FGD5: variants seen among roughly 807,000 people sequenced by gnomAD.
The protein encoded by FGD5 is FYVE, RhoGEF and PH domain-containing protein 5.
FGD5 carries 28 observed loss-of-function variants against 133.4 expected under a neutral mutation model. That is an observed-to-expected ratio of 0.21 (90% CI 0.16 to 0.29). The LOEUF (loss-of-function observed/expected upper bound fraction) is 0.29. Among genes scored for constraint, FGD5 ranks in the 10% least tolerant of loss-of-function variants. The pLI is 1.00. For missense variants in FGD5, 1,858 were observed against 1,895.2 expected (o/e 0.98, Z 0.36); for synonymous variants, 810 against 776.5 (o/e 1.04, Z -0.72).
At chr3:14,872,782 A>T (rs2037637016) in intron 2 of FGD5, among the ~76,000 whole-genome samples, 1 of 152,218 alleles carries the variant, frequency 6.6e-6, no homozygotes, top group South Asian at 2.1e-4. Flanking sequence ...GTCTCTTATT[A>T]GGAGAAAGTC....
intron 18 of FGD5, 123 bp from the exon 19 acceptor site, chr3:14,932,454 C>T (rs2038915078): frequency 8.8e-7 from 1 of 1,140,632 alleles, no homozygotes; most frequent in Non-Finnish European, 1.2e-6. Context: ...GTGTGGTGAG[C>T]CCGAAGGTGC....
rs1009262071 is a variant in FGD5 at position 14,917,637 on chromosome 3, A to G, written c.3489+305A>G. ...ATAAGGAAGGGCCTGGGTTGGGGGA[A>G]CAAGCAGGTGGTTGGTAATTTTTTT... On this transcript the variant is annotated intron_variant, in intron 12 of 19. Transcript: ENST00000285046. This position sits in a 1 kb window ranked among gnomAD's most constrained non-coding sequence, Gnocchi z 4.1. Among the ~76,000 whole-genome samples, 4 of 152,188 alleles carry G rather than the reference A, an allele frequency of 2.6e-5. No homozygotes were observed. Among genetic ancestry groups the G allele is most frequent in the East Asian group, 3.8e-4 (2 of 5,196 alleles).
chr3:14,872,994 G>A (rs2037641731), intron 2 of FGD5, among the ~76,000 whole-genome samples: 1 of 152,178 alleles, frequency 6.6e-6, no homozygotes, highest in African/African-American at 2.4e-5. Flanking sequence ...CTTTAAGTGT[G>A]GGGTGCATGG....
chr3:14,897,226 C>T (rs1018020554), intron 4 of FGD5: 18 of 383,754 alleles, frequency 4.7e-5, no homozygotes, highest in African/African-American at 1.5e-4. Context: ...GTGTTCACCA[C>T]GTGGCCACAA....
At chr3:14,828,820 CTT>C (rs59960841) in intron 1 of FGD5, among the ~76,000 whole-genome samples, 1,908 of 123,992 alleles carry the variant, frequency 0.015, 47 homozygotes, top group African/African-American at 0.053. Context: ...AGGTGGGTCT[CTT>C]TTTTTTTTTT....
At chr3:14,815,482 G>C (rs1477972657), upstream of FGD5, among the ~76,000 whole-genome samples, 4 of 152,090 alleles carry the variant, frequency 2.6e-5, no homozygotes, top group African/African-American at 9.7e-5. Flanking sequence ...TGAGTCTGGG[G>C]GCTTTGTTAT....
At chr3:14,891,135 G>A (rs1355028260) in intron 4 of FGD5, among the ~76,000 whole-genome samples, 1 of 152,144 alleles carries the variant, frequency 6.6e-6, no homozygotes, top group African/African-American at 2.4e-5. Context: ...GGGATGCCAG[G>A]GCTCAGAAGA....
At chr3:14,880,345 C>G (rs1055308568) in intron 2 of FGD5, among the ~76,000 whole-genome samples, 1 of 152,084 alleles carries the variant, frequency 6.6e-6, no homozygotes, top group African/African-American at 2.4e-5. Flanking sequence ...TAGAGCATGA[C>G]CTTGTCTCAA....
chr3:14,858,999 A>G (rs541566379), intron 1 of FGD5, among the ~76,000 whole-genome samples: 1 of 152,360 alleles, frequency 6.6e-6, no homozygotes, highest in South Asian at 2.1e-4. Flanking sequence ...TGTTTAAGAT[A>G]GGGTCTGTTG....
intron 4 of FGD5, among the ~76,000 whole-genome samples, chr3:14,891,170 C>A (rs2038018761): frequency 6.6e-6 from 1 of 152,162 alleles, no homozygotes; most frequent in Admixed American, 6.5e-5. Flanking sequence ...AGGCTGGGTC[C>A]TAAATATGGA....
chr3:14,819,357 G>A lies in FGD5; in HGVS notation c.286G>A (p.Ala96Thr). ...AGCCCTGGTGTCTCCCGAGTCCTCTGCGGAAGAGGAAGAGGAGCGTGAAGA... is the reference window on the plus strand; with the variant it reads ...AGCCCTGGTGTCTCCCGAGTCCTCTACGGAAGAGGAAGAGGAGCGTGAAGA... ...NKALVSPESS[A>T]EEEEEREEGG... Residue 96 changes from alanine (A) to threonine (T), a missense_variant, in exon 1 of 20, where the codon GCG becomes ACG. By Grantham distance (58) the Ala-to-Thr change is moderately conservative. Coordinates refer to ENST00000285046, the MANE Select transcript of FGD5 (RefSeq NM_152536.4). The surrounding 1 kb of genome is among the most constrained non-coding windows in gnomAD (Gnocchi z 4.1). 6.5e-7 allele frequency: 1 copy of A among 1,547,952 alleles called. No homozygotes were observed. Among genetic ancestry groups the A allele is most frequent in the Non-Finnish European group, 8.7e-7 (1 of 1,145,456 alleles).
At chr3:14,866,545 T>G (rs529012503) in intron 2 of FGD5, among the ~76,000 whole-genome samples, 2 of 152,170 alleles carry the variant, frequency 1.3e-5, no homozygotes, top group African/African-American at 4.8e-5. Flanking sequence ...GCTGGCTGAG[T>G]GACTTGGGCA....
chr3:14,810,771 G>C (rs2036279518), upstream of FGD5: 1 of 978,614 alleles, frequency 1.0e-6, no homozygotes, highest in South Asian at 4.7e-5. Context: ...GGCGGCCGCG[G>C]AGGGAGGCGG....
At chr3:14,889,857 CT>C (rs1050541024) in intron 4 of FGD5, among the ~76,000 whole-genome samples, 2 of 151,672 alleles carry the variant, frequency 1.3e-5, no homozygotes, top group African/African-American at 2.4e-5. Context: ...GTTTCTTTTG[CT>C]TTTTTTTTAA....
chr3:14,824,334 T>A (rs375200881), intron 1 of FGD5, among the ~76,000 whole-genome samples: 8 of 152,298 alleles, frequency 5.3e-5, no homozygotes, highest in African/African-American at 1.7e-4. Context: ...AATAGGGGCT[T>A]TGAGTACAGA....
intron 4 of FGD5, among the ~76,000 whole-genome samples, chr3:14,884,333 C>T (rs187390940): frequency 6.6e-6 from 1 of 152,308 alleles, no homozygotes; most frequent in East Asian, 1.9e-4. Context: ...GAAGTTGTCA[C>T]CATCCTGCCC....
chr3:14,810,951 C>T (rs938032092), intron 1 of FGD5: 2 of 965,684 alleles, frequency 2.1e-6, no homozygotes, highest in Non-Finnish European at 2.5e-6. Context: ...CCGGGGAGCC[C>T]GGGGCTAGCT....
intron 17 of FGD5, among the ~76,000 whole-genome samples, chr3:14,925,343 T>C (rs887141511): frequency 6.6e-6 from 1 of 152,212 alleles, no homozygotes; most frequent in African/African-American, 2.4e-5. Context: ...GAATCTCTTC[T>C]GTTTTCTCCA....
chr3:14,895,955 C>A (rs759950876), intron 4 of FGD5, among the ~76,000 whole-genome samples: 4 of 151,100 alleles, frequency 2.6e-5, no homozygotes, highest in Admixed American at 2.0e-4. Context: ...ACAGAGTCAG[C>A]ATACAAAAAT....
Sources: allele counts gnomAD v4.1 joint callset (sites outside exome capture counted in the v4.1 genomes callset), GRCh38; gene constraint gnomAD v4.1.1; non-coding constraint Gnocchi (gnomAD v3.1); transcripts MANE v1.5; gene names NCBI Gene and HGNC (gene_info 2026-07-23, HGNC 2026-07-21).